UTP20: variants seen among roughly 807,000 people sequenced by gnomAD.
UTP20 encodes the protein UTP20 small subunit processome component, also known as small subunit processome component 20 homolog.
UTP20 carries 164 observed loss-of-function variants against 329.5 expected under a neutral mutation model. The observed-to-expected ratio is 0.50, with a 90% CI of 0.44 to 0.57. UTP20 has a LOEUF of 0.57. Ranked by LOEUF, UTP20 falls within the 20% of genes least tolerant of loss-of-function variation. The pLI is 0.00. For synonymous variants in UTP20, 1,151 were observed against 1,159.3 expected, an observed-to-expected ratio of 0.99 and a Z score of 0.14; for missense variants, 3,055 against 3,284.2, an observed-to-expected ratio of 0.93 and a Z score of 1.71.
chr12:101,315,784 G>T (rs1426187628), intron 21 of UTP20, among the ~76,000 whole-genome samples: 1 of 152,138 alleles, frequency 6.6e-6, no homozygotes, highest in African/African-American at 2.4e-5. Context: ...GGCATTTATG[G>T]TGTTAGTAGC....
At position 101,383,626 on chromosome 12, in the gene UTP20, A is replaced by C. The variant is rs1435922857; in HGVS notation, c.8013A>C (p.Ile2671=). 6.2e-7 allele frequency: 1 copy of C among 1,613,890 alleles called. No homozygotes were observed. The stretch of plus-strand genomic sequence containing the variant: ...TAAAGCCGTATCTCCCAATGATCAT[A>C]GCTCCTTTGTTTCGGGAACTCAACA... ...DKVKPYLPMI[I]APLFRELNST... The change falls in exon 60 of 62, where the codon ATA becomes ATC. Residue 2671 remains isoleucine (I), a synonymous_variant. Transcript: ENST00000261637.
In UTP20 at chr12:101,365,469, A is replaced by C. The variant is rs146367811; in HGVS notation, c.5969A>C (p.Asn1990Thr). ...LILPLKEILQ[N>T]TTSLKLARKV... ...ATGTTTTGCCTTTAGATCTTACAAA[A>C]TACCACGAGTTTGAAACTGGCCCGG... Residue 1990 changes from asparagine (N) to threonine (T), a missense_variant, in exon 46 of 62, where the codon AAT becomes ACT. This residue lies in a region of UTP20 where 2,445 missense variants were observed against 2,575.5 expected (regional missense o/e 0.95). Transcript: ENST00000261637. 56 of 1,604,288 alleles carry C rather than the reference A, an allele frequency of 3.5e-5. 1 individual carries two copies. The African/African-American group carries it at 6.3e-4, about 18-fold the overall frequency.
At position 101,286,497 on chromosome 12, in the gene UTP20, C is replaced by G. The variant is rs776529179; in HGVS notation, c.503C>G (p.Ser168Cys). The change falls in exon 5 of 62, where the codon TCC becomes TGC. Residue 168 changes from serine (S) to cysteine (C), a missense_variant. Ser to Cys is a moderately radical substitution (Grantham distance 112). Coordinates refer to ENST00000261637, the MANE Select transcript of UTP20 (RefSeq NM_014503.3). ...YLWRLMVKDM[S>C]SIYSMYSTLL... Reference sequence around the variant, plus strand: ...TGGAGACTGATGGTGAAGGACATGTCCAGTATATACAGGTAACCCCTTTCT... The same window carrying G: ...TGGAGACTGATGGTGAAGGACATGTGCAGTATATACAGGTAACCCCTTTCT... 3 of 1,604,286 alleles carry G rather than the reference C, an allele frequency of 1.9e-6. No individual in the cohort carries two copies. Among genetic ancestry groups the G allele is most frequent in the Non-Finnish European group, 2.6e-6 (3 of 1,175,590 alleles).
intron 21 of UTP20, among the ~76,000 whole-genome samples, chr12:101,314,116 T>C (rs1381029142): frequency 3.9e-5 from 6 of 152,052 alleles, no homozygotes; most frequent in South Asian, 2.1e-4. Flanking sequence ...TATTTAGAAG[T>C]TGGGAGATAA....
chr12:101,311,678 C>A, intron 19 of UTP20, 41 bp from the exon 20 acceptor site: 1 of 1,537,208 alleles, frequency 6.5e-7, no homozygotes, highest in Admixed American at 1.9e-5. Context: ...TTAAAATGGC[C>A]ATACCACACT....
chr12:101,344,180 G>A (rs1289354197), intron 35 of UTP20, among the ~76,000 whole-genome samples: 2 of 151,966 alleles, frequency 1.3e-5, no homozygotes, highest in African/African-American at 4.8e-5. Flanking sequence ...CTGGCTGGCT[G>A]AGTCAAGGAT....
intron 27 of UTP20, among the ~76,000 whole-genome samples, chr12:101,332,823 T>C (rs1448363236): frequency 6.9e-6 from 1 of 145,428 alleles, no homozygotes; most frequent in Non-Finnish European, 1.5e-5. Context: ...ACTTCTAGTC[T>C]TAAAAAAGTA....
chr12:101,295,354 C>A, intron 11 of UTP20, 126 bp from the exon 12 acceptor site: 1 of 822,688 alleles, frequency 1.2e-6, no homozygotes, highest in Non-Finnish European at 1.8e-6. Flanking sequence ...TTCCATTGTT[C>A]CTATGTAGAG....
intron 19 of UTP20, among the ~76,000 whole-genome samples, 173 bp downstream of exon 19, chr12:101,310,012 CTCTGATGCCACA>C (rs1872736817): frequency 6.6e-6 from 1 of 152,148 alleles, no homozygotes; most frequent in African/African-American, 2.4e-5. Flanking sequence ...GAATTATTCT[CTCTGATGCCACA>C]TCTTCAGTAG....
chr12:101,345,610 C>T lies in UTP20; in HGVS notation c.4662C>T (p.Asn1554=). 1.2e-6 allele frequency: 2 copies of T among 1,611,668 alleles called. No homozygotes were observed. Among genetic ancestry groups the T allele is most frequent in the Non-Finnish European group, 1.7e-6 (2 of 1,177,990 alleles). Residue 1554 remains asparagine (N), a synonymous_variant, in exon 37 of 62, where the codon AAC becomes AAT. Transcript: ENST00000261637. ...CCTGTTTAATTCAAACCTTTCCAAA[C>T]CAACTGGAATTCAAAGACTTGGTAC... ...ILSCLIQTFP[N]QLEFKDLVQL...
At chr12:101,340,634 C>G (rs1869091980) in intron 32 of UTP20, 24 bp downstream of exon 32, 2 of 1,510,876 alleles carry the variant, frequency 1.3e-6, no homozygotes. Flanking sequence ...GGACACTTAA[C>G]TTTGTCTCTA....
At chr12:101,307,473 C>G (rs1312800563) in intron 17 of UTP20, among the ~76,000 whole-genome samples, 1 of 152,122 alleles carries the variant, frequency 6.6e-6, no homozygotes, top group African/African-American at 2.4e-5. Context: ...ACCTCCCCGG[C>G]TCAAGCGATC....
chr12:101,314,583 G>A (rs541132677), intron 21 of UTP20, among the ~76,000 whole-genome samples: 38 of 151,804 alleles, frequency 2.5e-4, no homozygotes, highest in East Asian at 1.6e-3. Flanking sequence ...GCGTGAACCC[G>A]GGAGGTGGAG....
intron 38 of UTP20, among the ~76,000 whole-genome samples, chr12:101,351,410 C>T (rs1565801580): frequency 1.3e-5 from 2 of 152,158 alleles, no homozygotes; most frequent in South Asian, 4.1e-4. Context: ...CAGGCGTGTG[C>T]CACCGCGCCT....
Position 101,355,289 on chromosome 12 carries a change from T to G in UTP20, c.5394+171T>G, listed in dbSNP as rs1203631374. ...TCTTATCTCTTCAACTTCAGGCTTA[T>G]CCTGCTGCAACTAAGCAGTAACGCT... On this transcript the variant is annotated intron_variant, in intron 41 of 61. Transcript: ENST00000261637. Among the ~76,000 whole-genome samples the G allele has an allele frequency of 2.6e-5, 4 of 152,204 alleles. No individual in the cohort carries two copies. The South Asian group carries it at 8.3e-4, about 32-fold the overall frequency.
chr12:101,280,244 A>T lies in UTP20; in HGVS notation c.-39A>T. The T allele has an allele frequency of 6.4e-7, 1 of 1,551,072 alleles. No individual in the cohort carries two copies. Among genetic ancestry groups the T allele is most frequent in the Non-Finnish European group, 8.7e-7 (1 of 1,146,758 alleles). On this transcript the variant is annotated 5_prime_UTR_variant, in exon 1 of 62. Transcript: ENST00000261637. ...TTACTGTCGGTTGCATCCCTTCGAC[A>T]CTCCCGAGGCCGTCGCGGGCCACTG... is the stretch of plus-strand genomic sequence containing the variant.
chr12:101,310,744 T>C (rs1872765907), intron 19 of UTP20, among the ~76,000 whole-genome samples: 1 of 152,132 alleles, frequency 6.6e-6, no homozygotes, highest in African/African-American at 2.4e-5. Context: ...TAGTTCTTAC[T>C]TGACAGAATA....
At chr12:101,344,797 G>C in intron 36 of UTP20, 47 bp downstream of exon 36, 2 of 1,572,652 alleles carry the variant, frequency 1.3e-6, no homozygotes, top group Non-Finnish European at 1.7e-6. Context: ...GCTGTGTTTT[G>C]TTTTGTTTTC....
At chr12:101,309,259 A>G (rs919311622) in intron 18 of UTP20, among the ~76,000 whole-genome samples, 12 of 152,234 alleles carry the variant, frequency 7.9e-5, no homozygotes, top group African/African-American at 2.7e-4. Context: ...TAATAAAACT[A>G]CCAGTCTGGA....
Sources: gnomAD v4.1 joint callset for allele counts (sites outside exome capture counted in the v4.1 genomes callset) on GRCh38, gnomAD v4.1.1 for gene constraint, gnomAD v4.1.1 regional missense constraint, MANE v1.5 for transcripts, NCBI Gene and HGNC (gene_info 2026-07-23, HGNC 2026-07-21) for gene names.